Variants in ADK observed in about 807,000 individuals in gnomAD.
The protein encoded by ADK is adenosine kinase, also known as N6,N6-dimethyladenosine kinase.
In ADK, 24 loss-of-function variants were observed where a neutral mutation model predicts 44.7. The ratio of observed to expected loss-of-function variants is 0.54; its 90% CI spans 0.39 to 0.76. ADK has a LOEUF of 0.76. ADK is among the 30% of genes least tolerant of loss of function. ADK has a pLI of 0.00. For synonymous variants in ADK, 128 were observed against 142.6 expected (o/e 0.90, Z 0.73); for missense variants, 321 against 425.1 (o/e 0.76, Z 2.15).
At chr10:74,299,363 G>A (rs1483214230) in intron 3 of ADK, among the ~76,000 whole-genome samples, 3 of 150,832 alleles carry the variant, frequency 2.0e-5, no homozygotes, top group Non-Finnish European at 4.4e-5. Flanking sequence ...GCAGCGTGTG[G>A]TGGCATATGC....
At chr10:74,454,386 C>G (rs1307371345) in intron 6 of ADK, among the ~76,000 whole-genome samples, 1 of 151,954 alleles carries the variant, frequency 6.6e-6, no homozygotes, top group Non-Finnish European at 1.5e-5. Context: ...TGTTTTTATA[C>G]TTTTTATTTT....
At chr10:74,310,810 G>A (rs140577421) in intron 3 of ADK, among the ~76,000 whole-genome samples, 246 of 151,934 alleles carry the variant, frequency 1.6e-3, no homozygotes, top group Non-Finnish European at 2.6e-3. Context: ...TTCTGAATAC[G>A]TCATGTTTAT....
intron 7 of ADK, among the ~76,000 whole-genome samples, chr10:74,576,621 T>G (rs1447444782): frequency 6.6e-6 from 1 of 152,142 alleles, no homozygotes; most frequent in Non-Finnish European, 1.5e-5. Context: ...GTTTCTGAGA[T>G]AAGTGTAGGT....
intron 10 of ADK, among the ~76,000 whole-genome samples, chr10:74,690,003 C>T (rs550735082): frequency 4.6e-5 from 7 of 152,158 alleles, no homozygotes; most frequent in Non-Finnish European, 7.3e-5. Context: ...GATACTGAAG[C>T]AGCTGGTTCA....
chr10:74,330,583 A>G (rs951641438), intron 4 of ADK, among the ~76,000 whole-genome samples: 2 of 152,204 alleles, frequency 1.3e-5, no homozygotes, highest in African/African-American at 4.8e-5. Flanking sequence ...TTCTGAGGCT[A>G]GATCATTAAA....
chr10:74,585,690 G>A (rs1046766503), intron 7 of ADK, among the ~76,000 whole-genome samples: 8 of 152,048 alleles, frequency 5.3e-5, no homozygotes, highest in Non-Finnish European at 1.2e-4. Context: ...ATTATCACAC[G>A]GATAATCACC....
chr10:74,648,214 T>C (rs1318819679), intron 9 of ADK, among the ~76,000 whole-genome samples: 1 of 152,104 alleles, frequency 6.6e-6, no homozygotes, highest in African/African-American at 2.4e-5. Flanking sequence ...TTATTGCCAA[T>C]AGACCTGTCC....
At chr10:74,481,372 AT>A (rs1438189718) in intron 6 of ADK, among the ~76,000 whole-genome samples, 1 of 151,992 alleles carries the variant, frequency 6.6e-6, no homozygotes, top group Non-Finnish European at 1.5e-5. Context: ...TCACCAATTT[AT>A]TTTATTACCT....
At chr10:74,251,522 A>G (rs1845650841) in intron 3 of ADK, among the ~76,000 whole-genome samples, 1 of 152,192 alleles carries the variant, frequency 6.6e-6, no homozygotes, top group Non-Finnish European at 1.5e-5. Flanking sequence ...AGTTTAGGTA[A>G]AATGCTAAGC....
chr10:74,165,199 TCA>T (rs1842005168), intron 1 of ADK, among the ~76,000 whole-genome samples: 1 of 152,310 alleles, frequency 6.6e-6, no homozygotes, highest in Admixed American at 6.5e-5. Flanking sequence ...AAATGGTGGT[TCA>T]CAGTTTCTTG....
At chr10:74,694,017 T>C (rs1388371750) in intron 10 of ADK, among the ~76,000 whole-genome samples, 1 of 152,138 alleles carries the variant, frequency 6.6e-6, no homozygotes, top group Non-Finnish European at 1.5e-5. Flanking sequence ...CCATGTTTTT[T>C]AAAAAGGTTT....
At chr10:74,619,012 TTG>T (rs56168944) in intron 9 of ADK, among the ~76,000 whole-genome samples, 16,533 of 139,274 alleles carry the variant, frequency 0.12, 1,071 homozygotes, top group Non-Finnish European at 0.15. Flanking sequence ...TTTATGCTCT[TTG>T]TGTGTGTGTG....
intron 6 of ADK, among the ~76,000 whole-genome samples, chr10:74,517,431 G>C (rs1365018178): frequency 1.3e-5 from 2 of 152,022 alleles, no homozygotes. Flanking sequence ...GCTCACACCT[G>C]TAACCCCAGC....
intron 4 of ADK, among the ~76,000 whole-genome samples, chr10:74,330,432 A>AT (rs1013615299): frequency 5.3e-5 from 8 of 151,830 alleles, no homozygotes; most frequent in African/African-American, 9.7e-5. Flanking sequence ...CTTAAAAAAA[A>AT]TTTTTTTTTA....
chr10:74,332,073 G>A (rs1452516262), intron 4 of ADK, among the ~76,000 whole-genome samples: 1 of 152,012 alleles, frequency 6.6e-6, no homozygotes, highest in Admixed American at 6.6e-5. Context: ...GACCAGGCTG[G>A]TATTAAACTC....
At chr10:74,698,204 C>T (rs1420708842) in intron 10 of ADK, among the ~76,000 whole-genome samples, 2 of 152,158 alleles carry the variant, frequency 1.3e-5, no homozygotes, top group African/African-American at 2.4e-5. Flanking sequence ...CAGGTTGATA[C>T]GCCTATGTGT....
At chr10:74,195,841 TA>T (rs1277992491) in intron 1 of ADK, among the ~76,000 whole-genome samples, 1 of 151,566 alleles carries the variant, frequency 6.6e-6, no homozygotes, top group African/African-American at 2.4e-5. Context: ...CACACGCGGC[TA>T]ATTTTTGTAT....
intron 1 of ADK, among the ~76,000 whole-genome samples, chr10:74,160,946 C>T (rs775465148): frequency 5.1e-4 from 77 of 152,180 alleles, no homozygotes; most frequent in Non-Finnish European, 8.8e-4. Context: ...TCCAAAAAAC[C>T]CGACAACCTC....
At chr10:74,440,711 G>A (rs562523011) in intron 6 of ADK, among the ~76,000 whole-genome samples, 2 of 152,224 alleles carry the variant, frequency 1.3e-5, no homozygotes, top group African/African-American at 4.8e-5. Flanking sequence ...AAAATTTGGA[G>A]TTTTCAAATG....
Sources: allele counts gnomAD v4.1 joint callset (sites outside exome capture counted in the v4.1 genomes callset), GRCh38; gene constraint gnomAD v4.1.1; transcripts MANE v1.5; gene names NCBI Gene and HGNC (gene_info 2026-07-23, HGNC 2026-07-21).